CA10: variants seen among roughly 807,000 people sequenced by gnomAD.
The protein encoded by CA10 is carbonic anhydrase-related protein 10.
CA10 carries 14 observed loss-of-function variants against 44.2 expected under a neutral mutation model. The observed-to-expected ratio is 0.32, with a 90% confidence interval of 0.21 to 0.50. The LOEUF (loss-of-function observed/expected upper bound fraction) is 0.50. Among genes scored for constraint, CA10 ranks in the 20% least tolerant of loss-of-function variants. The probability of loss-of-function intolerance (pLI) is 0.99; values close to 1 mark genes in which losing one functional copy is unlikely to be tolerated. For missense variants in CA10, 350 were observed against 409.7 expected (o/e 0.85, Z 1.26); for synonymous variants, 159 against 141.6 (o/e 1.12, Z -0.87).
chr17:51,901,936 A>G (rs950366922), intron 3 of CA10, among the ~76,000 whole-genome samples: 1 of 152,156 alleles, frequency 6.6e-6, no homozygotes, highest in Non-Finnish European at 1.5e-5. Context: ...AAAAAGCAAG[A>G]CAGAAAATTT....
intron 4 of CA10, among the ~76,000 whole-genome samples, chr17:51,726,178 T>C (rs1916514931): frequency 6.6e-6 from 1 of 152,172 alleles, no homozygotes; most frequent in South Asian, 2.1e-4. Flanking sequence ...AACTGGGAAA[T>C]ACTCATTCTC....
At chr17:51,707,308 T>A (rs992328029) in intron 4 of CA10, among the ~76,000 whole-genome samples, 1 of 152,212 alleles carries the variant, frequency 6.6e-6, no homozygotes, top group Non-Finnish European at 1.5e-5. Flanking sequence ...CTGAATCCTC[T>A]GGACTGCAGA....
intron 3 of CA10, among the ~76,000 whole-genome samples, chr17:51,929,199 A>C (rs1333573381): frequency 6.8e-6 from 1 of 146,658 alleles, no homozygotes; most frequent in Non-Finnish European, 1.5e-5. Flanking sequence ...TTTCCCAATA[A>C]ATTTTAGGGA....
At chr17:51,675,638 C>T (rs1016604191) in intron 4 of CA10, among the ~76,000 whole-genome samples, 2 of 151,512 alleles carry the variant, frequency 1.3e-5, no homozygotes, top group Non-Finnish European at 2.9e-5. Flanking sequence ...ATTGCTTGAA[C>T]CCTGGGGGCG....
chr17:51,748,882 A>G (rs940431284), intron 3 of CA10, among the ~76,000 whole-genome samples: 6 of 152,170 alleles, frequency 3.9e-5, no homozygotes, highest in African/African-American at 1.4e-4. Flanking sequence ...GTGAATGATT[A>G]GCTCTTGAGT....
intron 1 of CA10, among the ~76,000 whole-genome samples, chr17:52,073,106 C>A (rs996111460): frequency 6.6e-6 from 1 of 152,074 alleles, no homozygotes; most frequent in Non-Finnish European, 1.5e-5. Flanking sequence ...TATGCTTATC[C>A]CTTTATTAAA....
chr17:51,885,633 C>T (rs1304533039), intron 3 of CA10, among the ~76,000 whole-genome samples: 2 of 152,198 alleles, frequency 1.3e-5, no homozygotes, highest in African/African-American at 4.8e-5. Flanking sequence ...TTATTTTTCT[C>T]ACTAGAAATT....
chr17:51,857,437 C>T (rs1160500934), intron 3 of CA10, among the ~76,000 whole-genome samples: 1 of 152,160 alleles, frequency 6.6e-6, no homozygotes, highest in South Asian at 2.1e-4. Flanking sequence ...TGTATTTTAA[C>T]AGGAAAAGCC....
At chr17:51,961,188 A>AACTCACACACAC (rs146330814) in intron 2 of CA10, among the ~76,000 whole-genome samples, 1 of 145,004 alleles carries the variant, frequency 6.9e-6, no homozygotes, top group African/African-American at 2.6e-5. Context: ...TGTACACACA[A>AACTCACACACAC]ACACACACAC....
chr17:52,084,366 C>T (rs1355568978), intron 1 of CA10, among the ~76,000 whole-genome samples: 1 of 152,228 alleles, frequency 6.6e-6, no homozygotes, highest in Non-Finnish European at 1.5e-5. Context: ...CTGATCCACA[C>T]AGCATTTGCT....
chr17:52,143,682 C>A (rs1250456501), intron 1 of CA10, among the ~76,000 whole-genome samples: 1 of 152,250 alleles, frequency 6.6e-6, no homozygotes, highest in East Asian at 1.9e-4. Context: ...GGTGGGTCTA[C>A]ACTCAGCTTC....
intron 4 of CA10, among the ~76,000 whole-genome samples, chr17:51,692,052 A>T (rs185495590): frequency 1.8e-3 from 271 of 151,512 alleles, no homozygotes; most frequent in African/African-American, 6.3e-3. Flanking sequence ...TGGTATTTTG[A>T]TAGGGATTGC....
chr17:52,132,132 A>G (rs1460472643), intron 1 of CA10, among the ~76,000 whole-genome samples: 1 of 152,050 alleles, frequency 6.6e-6, no homozygotes, highest in African/African-American at 2.4e-5. Context: ...ATGTATACAT[A>G]GGGCACATTA....
At chr17:51,912,672 G>A (rs1981836187) in intron 3 of CA10, among the ~76,000 whole-genome samples, 1 of 152,138 alleles carries the variant, frequency 6.6e-6, no homozygotes, top group Non-Finnish European at 1.5e-5. Context: ...ACCTTGCACT[G>A]TGTGTGCAAT....
intron 1 of CA10, among the ~76,000 whole-genome samples, chr17:52,092,546 T>C (rs1209847257): frequency 3.9e-5 from 6 of 152,122 alleles, no homozygotes; most frequent in Admixed American, 6.5e-5. Flanking sequence ...AAGGCTATTC[T>C]TCCTAATCCA....
chr17:51,816,398 A>G (rs1907565895), intron 3 of CA10, among the ~76,000 whole-genome samples: 1 of 152,180 alleles, frequency 6.6e-6, no homozygotes, highest in South Asian at 2.1e-4. Context: ...TATTTCTTCA[A>G]TATACTGACT....
chr17:51,708,796 G>C (rs957971826), intron 4 of CA10, among the ~76,000 whole-genome samples: 1 of 152,228 alleles, frequency 6.6e-6, no homozygotes, highest in African/African-American at 2.4e-5. Context: ...TCCTGGGCTA[G>C]ATGCTTCCTG....
chr17:51,772,278 AG>A (rs1679919304), intron 3 of CA10, among the ~76,000 whole-genome samples: 1 of 152,246 alleles, frequency 6.6e-6, no homozygotes. Context: ...AACAATTACT[AG>A]TATTACCATT....
At chr17:52,073,907 T>G (rs907714813) in intron 1 of CA10, among the ~76,000 whole-genome samples, 1 of 152,168 alleles carries the variant, frequency 6.6e-6, no homozygotes, top group East Asian at 1.9e-4. Flanking sequence ...ACAAGGAGAT[T>G]TGAAGTCAGC....
Sources: gnomAD v4.1 joint callset for allele counts (sites outside exome capture counted in the v4.1 genomes callset) on GRCh38, gnomAD v4.1.1 for gene constraint, MANE v1.5 for transcripts, NCBI Gene and HGNC (gene_info 2026-07-23, HGNC 2026-07-21) for gene names.